The following GRIN3A variants were observed in gnomAD, a reference collection of about 807,000 sequenced individuals.
GRIN3A encodes the protein glutamate ionotropic receptor NMDA type subunit 3A, also known as glutamate receptor ionotropic, NMDA 3A.
GRIN3A carries 47 observed loss-of-function variants against 92.4 expected under a neutral mutation model. The observed-to-expected ratio is 0.51, with a 90% confidence interval of 0.40 to 0.65. GRIN3A has a LOEUF of 0.65. GRIN3A is among the 30% of genes least tolerant of loss of function. The pLI is 0.00. For missense variants in GRIN3A, 1,324 were observed against 1,393.1 expected (o/e 0.95, Z 0.79); for synonymous variants, 527 against 540.6 (o/e 0.97, Z 0.35).
chr9:101,645,453 CA>C (rs138148911), intron 3 of GRIN3A, among the ~76,000 whole-genome samples: 13,402 of 151,812 alleles, frequency 0.088, 852 homozygotes, highest in East Asian at 0.22. Flanking sequence ...AAGAAACATG[CA>C]GATGCAGATA....
chr9:101,727,429 C>T (rs1332288927), intron 1 of GRIN3A, among the ~76,000 whole-genome samples: 1 of 151,944 alleles, frequency 6.6e-6, no homozygotes, highest in East Asian at 1.9e-4. Flanking sequence ...TTTTTATAAT[C>T]AGAAATAAAG....
At chr9:101,581,754 G>T (rs1329627211) in intron 6 of GRIN3A, among the ~76,000 whole-genome samples, 2 of 152,192 alleles carry the variant, frequency 1.3e-5, no homozygotes, top group African/African-American at 4.8e-5. Context: ...CAGTGAGAGA[G>T]AAACAGGGCC....
rs190783725 is a variant in GRIN3A at position 101,695,064 on chromosome 9, T to C, written c.700-7864A>G. 2.0e-5 allele frequency among the ~76,000 whole-genome samples: 3 copies of C among 152,286 alleles called. No individual in the cohort carries two copies. The East Asian group carries it at 5.8e-4, about 29-fold the overall frequency. On this transcript the variant is annotated intron_variant, in intron 1 of 8. Coordinates refer to ENST00000361820, the MANE Select transcript of GRIN3A (RefSeq NM_133445.3). ...ATTTTCCTCTTTTGCGTAATGAAAA[T>C]GGTACTGTTTACCTTATAACTTTTG...
At position 101,573,034 on chromosome 9, in the gene GRIN3A, G is replaced by A; in HGVS notation, c.*140C>T. 2.7e-6 allele frequency: 2 copies of A among 729,134 alleles called. No individual in the cohort carries two copies. The highest frequency in any genetic ancestry group is 1.5e-5 in the South Asian group (1 of 64,542). The allele number at this position is 729,134 out of a possible 1,614,324, so 45.2% of individuals were successfully genotyped here. A position where few individuals can be genotyped will look rare whatever the true frequency, so the allele number is the denominator to read the frequency against. On this transcript the variant is annotated 3_prime_UTR_variant, in exon 9 of 9. Transcript: ENST00000361820. ...GGAGCTGCTGCTGCACTTTAGGCGAGGGAGAGCAGACTTGACCTTTAAGAA... is the reference window on the plus strand; with the variant it reads ...GGAGCTGCTGCTGCACTTTAGGCGAAGGAGAGCAGACTTGACCTTTAAGAA...
chr9:101,682,564 G>T (rs969111964), intron 2 of GRIN3A, among the ~76,000 whole-genome samples: 3 of 152,106 alleles, frequency 2.0e-5, no homozygotes, highest in African/African-American at 7.2e-5. Flanking sequence ...TCTTCATTTT[G>T]TCTACCCGAC....
intron 1 of GRIN3A, among the ~76,000 whole-genome samples, chr9:101,691,420 T>C (rs1436022995): frequency 2.0e-5 from 3 of 152,130 alleles, no homozygotes; most frequent in Non-Finnish European, 2.9e-5. Context: ...AATTTAGTAA[T>C]TATGATTTGT....
rs145246871 is a variant in GRIN3A, at chr9:101,680,927, C to T, written c.1304+5669G>A. ...CATCCCAATTAGAAGCTAGAATAAA[C>T]GATCAGAACTATGGCTAATTAGTCA... On this transcript the variant is annotated intron_variant, in intron 2 of 8. Coordinates refer to ENST00000361820, the MANE Select transcript of GRIN3A (RefSeq NM_133445.3). Among the ~76,000 whole-genome samples the T allele has an allele frequency of 1.8e-3, 275 of 152,284 alleles. 1 individual carries two copies. Among genetic ancestry groups the T allele is most frequent in the African/African-American group, 6.4e-3 (266 of 41,570 alleles).
intron 3 of GRIN3A, among the ~76,000 whole-genome samples, chr9:101,663,580 T>C (rs966825259): frequency 6.6e-6 from 1 of 151,830 alleles, no homozygotes; most frequent in Non-Finnish European, 1.5e-5. Context: ...TTATATGAAT[T>C]CATATGTTTT....
intron 1 of GRIN3A, 71 bp downstream of exon 1, chr9:101,737,210 C>G: frequency 1.3e-5 from 17 of 1,270,120 alleles, no homozygotes; most frequent in Non-Finnish European, 1.7e-5. Flanking sequence ...AAGCCGTTTT[C>G]TCTCCCCTCA....
intron 1 of GRIN3A, among the ~76,000 whole-genome samples, chr9:101,724,473 T>C (rs1830059106): frequency 6.6e-6 from 1 of 151,812 alleles, no homozygotes; most frequent in South Asian, 2.1e-4. Context: ...CAGCCCTGGT[T>C]CCCGCTCGCG....
intron 6 of GRIN3A, among the ~76,000 whole-genome samples, chr9:101,604,004 G>A (rs1423527222): frequency 1.1e-4 from 16 of 152,180 alleles, no homozygotes; most frequent in Admixed American, 1.0e-3. Flanking sequence ...GTGGCGGTGT[G>A]GAATTGGGTA....
At chr9:101,684,179 T>A (rs1829500821) in intron 2 of GRIN3A, among the ~76,000 whole-genome samples, 1 of 150,530 alleles carries the variant, frequency 6.6e-6, no homozygotes, top group East Asian at 2.0e-4. Context: ...CTCGGCTCAC[T>A]GCAACCTCTG....
chr9:101,654,120 A>C (rs1359820651), intron 3 of GRIN3A, among the ~76,000 whole-genome samples: 1 of 150,848 alleles, frequency 6.6e-6, no homozygotes. Flanking sequence ...ACAGTGTTTT[A>C]TTATCTTATC....
In GRIN3A at chr9:101,579,199, G is replaced by A; in HGVS notation, c.2928C>T (p.Ser976=). 1 of 1,613,846 alleles carries A rather than the reference G, an allele frequency of 6.2e-7. No homozygotes were observed. The highest frequency in any genetic ancestry group is 1.7e-5 in the Admixed American group (1 of 60,000). ...KSKLQYWLHT[S]QRLHRAINTS... ...GCAAGACACCTGTGGCACTCACCTG[G>A]CTGGTGTGGAGCCAGTATTGCAGCT... The change falls in exon 7 of 9, where the codon AGC becomes AGT. Residue 976 remains serine (S), a synonymous_variant. Transcript: ENST00000361820.
intron 5 of GRIN3A, 150 bp from the exon 6 acceptor site, chr9:101,613,677 C>T: frequency 5.4e-6 from 4 of 746,810 alleles, no homozygotes; most frequent in Admixed American, 2.0e-5. Flanking sequence ...AAAGACATTC[C>T]TAGTCATGAT....
At chr9:101,653,465 G>A (rs1194160492) in intron 3 of GRIN3A, among the ~76,000 whole-genome samples, 4 of 151,846 alleles carry the variant, frequency 2.6e-5, no homozygotes, top group Admixed American at 2.6e-4. Context: ...TGTTTTAAGT[G>A]TGTCCATTGT....
chr9:101,652,820 T>C (rs1382044046), intron 3 of GRIN3A, among the ~76,000 whole-genome samples: 1 of 151,984 alleles, frequency 6.6e-6, no homozygotes. Context: ...GCATAATTGC[T>C]GAAAGAAAAG....
chr9:101,637,688 A>C (rs4743477), intron 3 of GRIN3A, among the ~76,000 whole-genome samples: 4,298 of 152,310 alleles, frequency 0.028, 135 homozygotes, highest in East Asian at 0.11. Context: ...CAATCTCCAA[A>C]TTTCACATGA....
intron 7 of GRIN3A, 119 bp from the exon 8 acceptor site, chr9:101,577,963 A>G: frequency 1.4e-6 from 1 of 721,550 alleles, no homozygotes; most frequent in East Asian, 2.6e-5. Flanking sequence ...CTCTTTAAAC[A>G]AATTCCAGAA....
Sources: gnomAD v4.1 joint callset for allele counts (sites outside exome capture counted in the v4.1 genomes callset) on GRCh38, gnomAD v4.1.1 for gene constraint, MANE v1.5 for transcripts, NCBI Gene and HGNC (gene_info 2026-07-23, HGNC 2026-07-21) for gene names.